CDKAL1: variants seen among roughly 807,000 people sequenced by gnomAD.
CDKAL1 encodes the protein threonylcarbamoyladenosine tRNA methylthiotransferase.
In CDKAL1, 32 loss-of-function variants were observed where a neutral mutation model predicts 68.2. The ratio of observed to expected loss-of-function variants is 0.47; its 90% confidence interval spans 0.35 to 0.63. The LOEUF (loss-of-function observed/expected upper bound fraction) is 0.63. CDKAL1 is among the 30% of genes least tolerant of loss of function. The pLI, the probability that CDKAL1 is intolerant of heterozygous loss-of-function variation, is 0.00. For missense variants in CDKAL1, 606 were observed against 696.7 expected, an observed-to-expected ratio of 0.87 and a Z score of 1.47; for synonymous variants, 234 against 244.3, an observed-to-expected ratio of 0.96 and a Z score of 0.39.
Position 21,088,868 on chromosome 6 carries a change from G to C in CDKAL1, c.1237-19533G>C, listed in dbSNP as rs113634514. 7.3e-3 allele frequency among the ~76,000 whole-genome samples: 1,108 copies of C among 152,260 alleles called. 13 individuals are homozygous for C. Among genetic ancestry groups the C allele is most frequent in the African/African-American group, 0.024 (1,017 of 41,536 alleles). On this transcript the variant is annotated intron_variant, in intron 12 of 15. Coordinates refer to ENST00000274695, the MANE Select transcript of CDKAL1 (RefSeq NM_017774.3). The stretch of plus-strand genomic sequence containing the variant: ...GAGGTGGGAGAAGCACTTGAAACTG[G>C]GAGGCAGAGGTTGCATTGAGCCGAG...
chr6:20,551,137 T>C, intron 4 of CDKAL1, among the ~76,000 whole-genome samples: 1 of 152,034 alleles, frequency 6.6e-6, no homozygotes, highest in South Asian at 2.1e-4. Context: ...AGTGCTGGGA[T>C]TACAGGCGTG....
At chr6:20,598,436 A>AAAAT (rs200294811) in intron 4 of CDKAL1, among the ~76,000 whole-genome samples, 3,666 of 152,318 alleles carry the variant, frequency 0.024, 135 homozygotes, top group African/African-American at 0.077. Context: ...AATAGGTTAC[A>AAAAT]GCCATTTTGG....
chr6:20,825,760 C>T (rs993059317), intron 8 of CDKAL1, among the ~76,000 whole-genome samples: 4 of 152,004 alleles, frequency 2.6e-5, no homozygotes, highest in South Asian at 2.1e-4. Flanking sequence ...TAAATGGTCC[C>T]AGCTTATTGA....
intron 5 of CDKAL1, among the ~76,000 whole-genome samples, chr6:20,681,216 T>C (rs533726135): frequency 1.3e-5 from 2 of 152,310 alleles, no homozygotes; most frequent in South Asian, 4.1e-4. Flanking sequence ...GTAAAGAACA[T>C]TGTAGAAGGT....
intron 11 of CDKAL1, among the ~76,000 whole-genome samples, chr6:21,030,229 C>G (rs1161899292): frequency 6.6e-6 from 1 of 152,112 alleles, no homozygotes; most frequent in African/African-American, 2.4e-5. Flanking sequence ...AACACAGGAA[C>G]AGAAAACCAA....
In CDKAL1 at chr6:21,231,750, T is replaced by A. The variant is rs909749715; in HGVS notation, c.*711T>A. Reference sequence around the variant, plus strand: ...GGCCTCTTTAATAAATATTTTTAAGTGCATCTTCCCCTTCAGGCTTTGTTT... The same window carrying A: ...GGCCTCTTTAATAAATATTTTTAAGAGCATCTTCCCCTTCAGGCTTTGTTT... On this transcript the variant is annotated 3_prime_UTR_variant, in exon 16 of 16. Transcript: ENST00000274695. The A allele has an allele frequency of 1.3e-5, 2 of 152,150 alleles. No individual in the cohort carries two copies. Among genetic ancestry groups the A allele is most frequent in the Non-Finnish European group, 2.9e-5 (2 of 68,064 alleles). The allele number at this position is 152,150 out of a possible 1,614,324, so 9.4% of individuals were successfully genotyped here. A position where few individuals can be genotyped will look rare whatever the true frequency, so the allele number is the denominator to read the frequency against.
chr6:21,001,888 A>T (rs1767444480), intron 11 of CDKAL1, among the ~76,000 whole-genome samples: 1 of 152,244 alleles, frequency 6.6e-6, no homozygotes, highest in South Asian at 2.1e-4. Context: ...CTTGTTACAC[A>T]ATATTTTCCC....
intron 7 of CDKAL1, among the ~76,000 whole-genome samples, chr6:20,759,807 G>A (rs932643020): frequency 1.3e-4 from 20 of 152,060 alleles, no homozygotes; most frequent in African/African-American, 4.3e-4. Context: ...ATTTTTAAAG[G>A]CTTTTTCCTA....
chr6:21,141,251 A>T (rs1314573604), intron 13 of CDKAL1, among the ~76,000 whole-genome samples: 1 of 152,148 alleles, frequency 6.6e-6, no homozygotes, highest in Non-Finnish European at 1.5e-5. Context: ...TTTATTTCTT[A>T]GGCTCCTGAC....
intron 12 of CDKAL1, among the ~76,000 whole-genome samples, chr6:21,068,693 G>T (rs1771591110): frequency 6.6e-6 from 1 of 152,018 alleles, no homozygotes; most frequent in Admixed American, 6.6e-5. Flanking sequence ...TCTTGAAATT[G>T]CCCTAACTAT....
intron 13 of CDKAL1, among the ~76,000 whole-genome samples, chr6:21,169,774 G>A (rs1425924603): frequency 6.6e-6 from 1 of 152,174 alleles, no homozygotes; most frequent in Non-Finnish European, 1.5e-5. Flanking sequence ...GGCTGGGGAG[G>A]CCTCATAATC....
intron 11 of CDKAL1, among the ~76,000 whole-genome samples, chr6:21,024,024 GTAAA>G (rs1178780819): frequency 2.6e-5 from 4 of 151,994 alleles, no homozygotes; most frequent in Non-Finnish European, 5.9e-5. Flanking sequence ...TTATTAATTT[GTAAA>G]TAAATATATG....
At chr6:21,024,756 A>C (rs1293648961) in intron 11 of CDKAL1, among the ~76,000 whole-genome samples, 1 of 152,208 alleles carries the variant, frequency 6.6e-6, no homozygotes, top group African/African-American at 2.4e-5. Context: ...AAAATCTGCC[A>C]GTGGCCTGTC....
intron 11 of CDKAL1, among the ~76,000 whole-genome samples, chr6:21,005,951 G>A (rs778689944): frequency 4.6e-5 from 7 of 152,032 alleles, no homozygotes; most frequent in African/African-American, 1.5e-4. Flanking sequence ...TGATCTCTCC[G>A]CTGTATACTC....
chr6:20,587,143 C>T (rs558143606), intron 4 of CDKAL1, among the ~76,000 whole-genome samples: 8 of 151,928 alleles, frequency 5.3e-5, no homozygotes, highest in South Asian at 4.2e-4. Context: ...CGTGCCACCA[C>T]GCCCCGCTAA....
chr6:20,878,869 AG>A (rs1222235158), intron 9 of CDKAL1, among the ~76,000 whole-genome samples: 1 of 151,958 alleles, frequency 6.6e-6, no homozygotes, highest in Non-Finnish European at 1.5e-5. Context: ...ACCTGAGGTC[AG>A]GGGTTCAAGA....
At chr6:21,207,102 A>G (rs1280705114) in intron 15 of CDKAL1, among the ~76,000 whole-genome samples, 2 of 152,000 alleles carry the variant, frequency 1.3e-5, no homozygotes, top group Non-Finnish European at 2.9e-5. Context: ...TAGTAGAAAC[A>G]GGGTTTCACC....
chr6:20,666,887 G>A (rs1769574586), intron 5 of CDKAL1, among the ~76,000 whole-genome samples: 1 of 152,072 alleles, frequency 6.6e-6, no homozygotes, highest in East Asian at 1.9e-4. Flanking sequence ...GGAACAGCAT[G>A]TACCATTTGC....
At chr6:20,926,914 C>T (rs1763214117) in intron 9 of CDKAL1, among the ~76,000 whole-genome samples, 1 of 147,276 alleles carries the variant, frequency 6.8e-6, no homozygotes, top group African/African-American at 2.5e-5. Context: ...TGTATATTTA[C>T]ATATATATTT....
Sources: allele counts gnomAD v4.1 joint callset (sites outside exome capture counted in the v4.1 genomes callset), GRCh38; gene constraint gnomAD v4.1.1; transcripts MANE v1.5; gene names NCBI Gene and HGNC (gene_info 2026-07-23, HGNC 2026-07-21).